The following TM4SF18 variants were observed in gnomAD, a reference collection of about 807,000 sequenced individuals.
TM4SF18 encodes transmembrane 4 L six family member 18.
TM4SF18 carries 22 observed loss-of-function variants against 23.8 expected under a neutral mutation model. The observed-to-expected ratio is 0.92, with a 90% CI of 0.66 to 1.32. The LOEUF (loss-of-function observed/expected upper bound fraction) is 1.32, where lower values mean the gene tolerates loss of function less well. TM4SF18 is among the 40% of genes most tolerant of loss of function. TM4SF18 has a pLI of 0.00. For synonymous variants in TM4SF18, 87 were observed against 87.9 expected (o/e 0.99, Z 0.06); for missense variants, 255 against 240.3 (o/e 1.06, Z -0.41).
rs900572651 is a variant in TM4SF18 at position 149,319,830 on chromosome 3, T to C, written c.*1648A>G. On this transcript the variant is annotated 3_prime_UTR_variant, in exon 6 of 6. Transcript: ENST00000296059. ...GGTTGCTTCATTCTTGGCTTCCTAG[T>C]TCAAATTCTTATGCTTGAATAACCA... is the stretch of plus-strand genomic sequence containing the variant. 4 of 152,248 alleles carry C rather than the reference T, an allele frequency of 2.6e-5. No individual in the cohort carries two copies. The highest frequency in any genetic ancestry group is 9.6e-5 in the African/African-American group (4 of 41,462). The allele number at this position is 152,248 out of a possible 1,614,324, so 9.4% of individuals were successfully genotyped here.
intron 1 of TM4SF18, 31 bp downstream of exon 1, chr3:149,333,482 C>CACTT: frequency 4.3e-6 from 1 of 235,256 alleles, no homozygotes; most frequent in Non-Finnish European, 6.8e-6. Flanking sequence ...CTCTCTCTCT[C>CACTT]TTTTTTTTTT....
chr3:149,331,733 C>T (rs1576834886), intron 2 of TM4SF18, among the ~76,000 whole-genome samples: 1 of 152,264 alleles, frequency 6.6e-6, no homozygotes, highest in Middle Eastern at 3.4e-3. Flanking sequence ...TTCCACCACC[C>T]TCGTGAGTCT....
At chr3:149,329,221 C>A (rs1043063367) in intron 3 of TM4SF18, among the ~76,000 whole-genome samples, 1 of 151,070 alleles carries the variant, frequency 6.6e-6, no homozygotes, top group Non-Finnish European at 1.5e-5. Context: ...ATTTTCAATT[C>A]TTCTCCATAA....
intron 5 of TM4SF18, among the ~76,000 whole-genome samples, chr3:149,321,728 C>A (rs1730813094): frequency 6.6e-6 from 1 of 152,116 alleles, no homozygotes; most frequent in Admixed American, 6.5e-5. Flanking sequence ...CAGTTTCAAC[C>A]ATAACTAAAT....
At chr3:149,322,512 T>G in intron 4 of TM4SF18, 76 bp from the exon 5 acceptor site, 2 of 1,265,128 alleles carry the variant, frequency 1.6e-6, no homozygotes, top group Non-Finnish European at 2.2e-6. Context: ...GTTTGAGAAA[T>G]TACTGTATAA....
chr3:149,333,124 T>C, intron 2 of TM4SF18, 82 bp downstream of exon 2: 3 of 1,300,634 alleles, frequency 2.3e-6, no homozygotes, highest in East Asian at 4.8e-5. Context: ...GATTTTTCCA[T>C]TATTCATTAC....
intron 4 of TM4SF18, chr3:149,324,659 A>G: frequency 1.8e-6 from 1 of 551,418 alleles, no homozygotes; most frequent in Non-Finnish European, 3.2e-6. Flanking sequence ...CAACCTCAAG[A>G]CATTGAATGA....
rs1730802466 is a variant in TM4SF18, at chr3:149,321,381, A to C, written c.*97T>G. The C allele has an allele frequency of 4.4e-6, 4 of 898,946 alleles. No homozygotes were observed. In the Admixed American group the frequency reaches 1.1e-4, roughly 26 times the overall value. 55.7% of individuals were successfully genotyped at this position (898,946 alleles called of 1,614,324 possible). On this transcript the variant is annotated 3_prime_UTR_variant, in exon 6 of 6. Coordinates refer to ENST00000296059, the MANE Select transcript of TM4SF18 (RefSeq NM_138786.4). ...TTACAAATAAACACCAAATGCAGAAAGCACCATCATTTCAATATTGCCCTC... is the reference window on the plus strand; with the variant it reads ...TTACAAATAAACACCAAATGCAGAACGCACCATCATTTCAATATTGCCCTC...
At chr3:149,329,465 CTGCTGCAAAAAA>C (rs1452921785) in intron 3 of TM4SF18, among the ~76,000 whole-genome samples, 2 of 152,106 alleles carry the variant, frequency 1.3e-5, no homozygotes, top group Admixed American at 1.3e-4. Flanking sequence ...GGTAGAAGCA[CTGCTGCAAAAAA>C]TGCCTACCAG....
chr3:149,319,427 A>T lies in TM4SF18; in HGVS notation c.*2051T>A, dbSNP rs1326652755. ...CATATTTAAGTTCTTTGGAAAGTAG[A>T]GTGTTATTGAATGAAGCTCTGTAAA... On this transcript the variant is annotated 3_prime_UTR_variant, in exon 6 of 6. Transcript: ENST00000296059. 1 of 152,180 alleles carries T rather than the reference A, an allele frequency of 6.6e-6. No individual in the cohort carries two copies. Among genetic ancestry groups the T allele is most frequent in the Non-Finnish European group, 1.5e-5 (1 of 68,040 alleles). 9.4% of individuals were successfully genotyped at this position (152,180 alleles called of 1,614,324 possible).
At chr3:149,323,815 T>G (rs1730867501) in intron 4 of TM4SF18, among the ~76,000 whole-genome samples, 1 of 152,126 alleles carries the variant, frequency 6.6e-6, no homozygotes, top group Admixed American at 6.5e-5. Context: ...CCTGTGGGGT[T>G]GGGCAAAAAG....
chr3:149,322,089 C>T (rs1730819396), intron 5 of TM4SF18, among the ~76,000 whole-genome samples, 167 bp downstream of exon 5: 1 of 152,078 alleles, frequency 6.6e-6, no homozygotes, highest in South Asian at 2.1e-4. Context: ...AGCCAAGACA[C>T]ATTGGGATAT....
intron 2 of TM4SF18, among the ~76,000 whole-genome samples, chr3:149,331,374 T>A (rs1338364091): frequency 1.3e-5 from 2 of 152,220 alleles, no homozygotes; most frequent in South Asian, 4.1e-4. Context: ...AGAACAGGTT[T>A]CTTTTCCTAG....
At chr3:149,330,077 A>T (rs1731056600) in intron 3 of TM4SF18, 3 of 270,184 alleles carry the variant, frequency 1.1e-5, no homozygotes, top group East Asian at 1.3e-4. Flanking sequence ...ATGGAAACTT[A>T]GTTAGGAAAA....
At chr3:149,326,340 C>A (rs141290379) in intron 3 of TM4SF18, among the ~76,000 whole-genome samples, 11 of 152,212 alleles carry the variant, frequency 7.2e-5, no homozygotes, top group Non-Finnish European at 1.5e-4. Context: ...AACATTTTAG[C>A]GAGAATACTT....
intron 5 of TM4SF18, 147 bp downstream of exon 5, chr3:149,322,109 T>C (rs1730819920): frequency 1.5e-6 from 1 of 658,178 alleles, no homozygotes; most frequent in Middle Eastern, 3.5e-4. Context: ...TCAGAAAAAA[T>C]TGAGATATTA....
chr3:149,327,520 A>G (rs1297535942), intron 3 of TM4SF18, among the ~76,000 whole-genome samples: 1 of 152,102 alleles, frequency 6.6e-6, no homozygotes, highest in Non-Finnish European at 1.5e-5. Context: ...GACAGAAATA[A>G]GGATACCAAG....
chr3:149,327,844 T>C (rs1159173374), intron 3 of TM4SF18, among the ~76,000 whole-genome samples: 1 of 152,042 alleles, frequency 6.6e-6, no homozygotes, highest in Non-Finnish European at 1.5e-5. Flanking sequence ...TACACACACA[T>C]GCACACGCAC....
chr3:149,326,778 GA>G (rs1192589449), intron 3 of TM4SF18, among the ~76,000 whole-genome samples: 2 of 152,162 alleles, frequency 1.3e-5, no homozygotes, highest in East Asian at 3.9e-4. Flanking sequence ...TAGATGCACA[GA>G]TGGTCCAAAT....
Sources: allele counts gnomAD v4.1 joint callset (sites outside exome capture counted in the v4.1 genomes callset), GRCh38; gene constraint gnomAD v4.1.1; transcripts MANE v1.5; gene names NCBI Gene and HGNC (gene_info 2026-07-23, HGNC 2026-07-21).